BST1: variants seen among roughly 807,000 people sequenced by gnomAD.
The protein encoded by BST1 is bone marrow stromal cell antigen 1, also known as ADP-ribosyl cyclase/cyclic ADP-ribose hydrolase 2.
Under a neutral mutation model 40.6 loss-of-function variants are expected in BST1, and 49 were observed. The observed-to-expected ratio is 1.21, with a 90% confidence interval of 0.96 to 1.53. The LOEUF is 1.53. BST1 is among the 40% of genes most tolerant of loss of function. BST1 has a pLI of 0.00. For missense variants in BST1, 423 were observed against 395.9 expected (o/e 1.07, Z -0.58); for synonymous variants, 157 against 159.3 (o/e 0.99, Z 0.11).
the BST1 span, among the ~76,000 whole-genome samples, chr4:15,757,015 A>G: frequency 6.6e-6 from 1 of 151,970 alleles, no homozygotes; most frequent in African/African-American, 2.4e-5. Flanking sequence ...AGAAATCTAT[A>G]TTAGTAAAAC....
chr4:15,723,530 A>G lies in BST1; in HGVS notation c.851+596A>G, dbSNP rs1135879. The G allele has an allele frequency of 0.011, 10,843 of 984,762 alleles. 465 individuals are homozygous for G. In the East Asian group the frequency reaches 0.26, roughly 24 times the overall value. The allele number at this position is 984,762 out of a possible 1,614,324, so 61.0% of individuals were successfully genotyped here. Reference sequence around the variant, plus strand: ...CCTAAAGTGCTGGGATTACAGGCGTAAGCCACCACGCCTGGCCCACACCAC... The same window carrying G: ...CCTAAAGTGCTGGGATTACAGGCGTGAGCCACCACGCCTGGCCCACACCAC... On this transcript the variant is annotated intron_variant, in intron 8 of 8. Transcript: ENST00000265016.
At chr4:15,756,020 T>A in the BST1 span, among the ~76,000 whole-genome samples, 1 of 152,198 alleles carries the variant, frequency 6.6e-6, no homozygotes, top group Non-Finnish European at 1.5e-5. Flanking sequence ...TCTCCCAGTC[T>A]CTGCAACATA....
intron 8 of BST1, among the ~76,000 whole-genome samples, chr4:15,725,229 T>C (rs1560286050): frequency 6.6e-6 from 1 of 152,170 alleles, no homozygotes; most frequent in Non-Finnish European, 1.5e-5. Flanking sequence ...ACCCAGCTAG[T>C]GCAGGCAGAA....
Position 15,723,181 on chromosome 4 carries a change from T to C in BST1, c.851+247T>C, listed in dbSNP as rs763362597. Reference sequence around the variant, plus strand: ...GGTGTAATGGGGCCACCCTTTAAAGTTTGTTCATACTTCTGTCCTAGTCTG... The same window carrying C: ...GGTGTAATGGGGCCACCCTTTAAAGCTTGTTCATACTTCTGTCCTAGTCTG... On this transcript the variant is annotated intron_variant, in intron 8 of 8. Coordinates refer to ENST00000265016, the MANE Select transcript of BST1 (RefSeq NM_004334.3). 1.1e-4 allele frequency among the ~76,000 whole-genome samples: 17 copies of C among 152,308 alleles called. No individual in the cohort carries two copies. The South Asian group carries it at 3.5e-3, about 32-fold the overall frequency.
chr4:15,734,522 C>T (rs555296178), downstream of BST1, among the ~76,000 whole-genome samples: 75 of 151,914 alleles, frequency 4.9e-4, no homozygotes, highest in African/African-American at 1.7e-3. Flanking sequence ...CTCCACCAGT[C>T]GACTAAACTT....
At chr4:15,755,500 G>T in the BST1 span, among the ~76,000 whole-genome samples, 1 of 152,162 alleles carries the variant, frequency 6.6e-6, no homozygotes, top group African/African-American at 2.4e-5. Context: ...TTTCATGTGG[G>T]CAGAGATATT....
intron 8 of BST1, among the ~76,000 whole-genome samples, chr4:15,726,916 G>A (rs1356231447): frequency 6.7e-6 from 1 of 149,018 alleles, no homozygotes; most frequent in Non-Finnish European, 1.5e-5. Flanking sequence ...TGTTGCCCAG[G>A]CTGGAGTGCA....
At chr4:15,736,240 G>C (rs4273468), downstream of BST1, 2 of 727,050 alleles carry the variant, frequency 2.8e-6, no homozygotes, top group Non-Finnish European at 4.0e-6. Context: ...AATGTCCTAC[G>C]CTAGGGTCCT....
At chr4:15,735,818 C>T (rs73224670), downstream of BST1, among the ~76,000 whole-genome samples, 19,752 of 152,098 alleles carry the variant, frequency 0.13, 1,360 homozygotes, top group African/African-American at 0.14. Context: ...CAGTGACCTG[C>T]GACTCAATTA....
intron 4 of BST1, among the ~76,000 whole-genome samples, chr4:15,714,143 G>A (rs1720380949): frequency 2.0e-5 from 3 of 152,148 alleles, no homozygotes; most frequent in Non-Finnish European, 2.9e-5. Context: ...GCATAGTGGT[G>A]ATCAGGTATT....
chr4:15,731,303 C>T, intron 8 of BST1: 1 of 513,138 alleles, frequency 1.9e-6, no homozygotes, highest in Non-Finnish European at 3.5e-6. Context: ...GCCAAAAATG[C>T]ATCATACTCT....
At chr4:15,747,016 TGGGTC>T in the BST1 span, among the ~76,000 whole-genome samples, 1 of 152,160 alleles carries the variant, frequency 6.6e-6, no homozygotes, top group South Asian at 2.1e-4. Context: ...CAAATGGGTA[TGGGTC>T]CCTTTGGGGA....
intron 8 of BST1, chr4:15,730,983 G>A: frequency 2.0e-6 from 1 of 508,098 alleles, no homozygotes. Context: ...ACTGGGGCTT[G>A]CCTATGGTGC....
intron 6 of BST1, among the ~76,000 whole-genome samples, chr4:15,717,763 T>C (rs1019588263): frequency 3.3e-5 from 5 of 152,142 alleles, no homozygotes; most frequent in Admixed American, 2.6e-4. Context: ...AGAGAAAGTA[T>C]GAAAATATGT....
At chr4:15,709,089 CA>C (rs1219616965) in intron 3 of BST1, among the ~76,000 whole-genome samples, 1 of 152,138 alleles carries the variant, frequency 6.6e-6, no homozygotes, top group African/African-American at 2.4e-5. Flanking sequence ...GTGAAATATA[CA>C]GACTGCCTTA....
chr4:15,750,422 C>A, the BST1 span, among the ~76,000 whole-genome samples: 1 of 152,164 alleles, frequency 6.6e-6, no homozygotes, highest in African/African-American at 2.4e-5. Flanking sequence ...GAGTATTTGG[C>A]AATTCATTCC....
intron 3 of BST1, 103 bp from the exon 4 acceptor site, chr4:15,711,704 G>A (rs1577573102): frequency 3.2e-6 from 3 of 927,192 alleles, no homozygotes; most frequent in Non-Finnish European, 5.2e-6. Context: ...TGTACAGAAT[G>A]GAAGCTAAGT....
chr4:15,731,192 C>T, intron 8 of BST1: 1 of 436,212 alleles, frequency 2.3e-6, no homozygotes, highest in Non-Finnish European at 4.3e-6. Flanking sequence ...TCCACTTTGG[C>T]CACCATGTTT....
chr4:15,742,106 C>T (rs1016016883), downstream of BST1, among the ~76,000 whole-genome samples: 3 of 152,210 alleles, frequency 2.0e-5, no homozygotes, highest in Non-Finnish European at 2.9e-5. Flanking sequence ...GTGGTCTCTT[C>T]TCTTGCTCAT....
Sources: gnomAD v4.1 joint callset for allele counts (sites outside exome capture counted in the v4.1 genomes callset) on GRCh38, gnomAD v4.1.1 for gene constraint, MANE v1.5 for transcripts, NCBI Gene and HGNC (gene_info 2026-07-23, HGNC 2026-07-21) for gene names.